Variants in DMRT1 observed in about 807,000 individuals in gnomAD.
DMRT1 encodes the protein doublesex and mab-3 related transcription factor 1.
In DMRT1, 7 loss-of-function variants were observed where a neutral mutation model predicts 32.3. The ratio of observed to expected loss-of-function variants is 0.22; its 90% CI spans 0.12 to 0.41. DMRT1 has a LOEUF of 0.41. Ranked by LOEUF, DMRT1 falls within the 10% of genes least tolerant of loss-of-function variation. The pLI is 1.00. For missense variants in DMRT1, 625 were observed against 500.5 expected (o/e 1.25, Z -2.37); for synonymous variants, 278 against 206.1 (o/e 1.35, Z -2.99).
chr9:929,423 C>T (rs1046740833), intron 4 of DMRT1, among the ~76,000 whole-genome samples: 6 of 152,074 alleles, frequency 3.9e-5, no homozygotes, highest in African/African-American at 1.4e-4. Flanking sequence ...AAAAACAGTA[C>T]AAGAGGGCAA....
chr9:914,563 G>A (rs12339270), intron 3 of DMRT1, among the ~76,000 whole-genome samples: 4,991 of 107,724 alleles, frequency 0.046, 348 homozygotes, highest in African/African-American at 0.15. Flanking sequence ...GACAGAGTGG[G>A]ACTCTGTCTC....
intron 3 of DMRT1, among the ~76,000 whole-genome samples, chr9:913,754 G>A (rs1455336018): frequency 4.6e-5 from 7 of 152,068 alleles, no homozygotes; most frequent in Admixed American, 1.3e-4. Flanking sequence ...TTAGCCGGAC[G>A]TGGTGGGGCA....
chr9:947,673 G>C (rs1249735681), intron 4 of DMRT1, among the ~76,000 whole-genome samples: 1 of 152,030 alleles, frequency 6.6e-6, no homozygotes, highest in East Asian at 1.9e-4. Context: ...GCTCAGGCTG[G>C]AATGCAGTGG....
chr9:850,372 T>C (rs1257593471), intron 2 of DMRT1, among the ~76,000 whole-genome samples: 1 of 152,218 alleles, frequency 6.6e-6, no homozygotes, highest in Non-Finnish European at 1.5e-5. Context: ...GAAGCTTGTA[T>C]GCAGCAAAGG....
At chr9:926,053 A>G (rs531190576) in intron 4 of DMRT1, among the ~76,000 whole-genome samples, 28 of 152,342 alleles carry the variant, frequency 1.8e-4, no homozygotes, top group African/African-American at 6.5e-4. Flanking sequence ...TACCTGTCTT[A>G]CAGGTAGCAC....
At chr9:899,386 C>G (rs960457548) in intron 3 of DMRT1, among the ~76,000 whole-genome samples, 3 of 152,122 alleles carry the variant, frequency 2.0e-5, no homozygotes, top group Non-Finnish European at 2.9e-5. Flanking sequence ...AAGCAAGCCA[C>G]GAATAATTAC....
chr9:909,412 G>A (rs951151788), intron 3 of DMRT1, among the ~76,000 whole-genome samples: 9 of 152,138 alleles, frequency 5.9e-5, no homozygotes, highest in Non-Finnish European at 1.2e-4. Flanking sequence ...AGCCCTTTGC[G>A]TAGGTGAAGT....
intron 3 of DMRT1, among the ~76,000 whole-genome samples, chr9:897,100 T>C: frequency 7.3e-6 from 1 of 136,114 alleles, no homozygotes; most frequent in South Asian, 2.3e-4. Flanking sequence ...ATATTATTAT[T>C]ATTATTATTA....
At chr9:858,853 CAAAAA>C (rs1205538076) in intron 2 of DMRT1, among the ~76,000 whole-genome samples, 169 of 137,678 alleles carry the variant, frequency 1.2e-3, no homozygotes, top group Middle Eastern at 7.4e-3. Context: ...CAGTCTGTCT[CAAAAA>C]AAAAAAAAAA....
intron 4 of DMRT1, among the ~76,000 whole-genome samples, chr9:945,682 C>T (rs1014248051): frequency 6.7e-6 from 1 of 150,302 alleles, no homozygotes; most frequent in Non-Finnish European, 1.5e-5. Flanking sequence ...GAACAGAACA[C>T]TGCTGTTTTT....
rs1039037816 is a variant in DMRT1 at position 968,297 on chromosome 9, T to G, written c.*158T>G. On this transcript the variant is annotated 3_prime_UTR_variant, in exon 5 of 5. Coordinates refer to ENST00000382276, the MANE Select transcript of DMRT1 (RefSeq NM_021951.3). ...GTTTAGTCCAGAGGCTGTAACACAT[T>G]TGTAATACTTTAGGGTCCGTGACTA... The G allele has an allele frequency of 4.3e-5, 36 of 832,924 alleles. No individual in the cohort carries two copies. In the African/African-American group the frequency reaches 5.8e-4, roughly 13 times the overall value. The allele number at this position is 832,924 out of a possible 1,614,324, so 51.6% of individuals were successfully genotyped here.
At chr9:854,580 G>C (rs1235438074) in intron 2 of DMRT1, among the ~76,000 whole-genome samples, 1 of 152,024 alleles carries the variant, frequency 6.6e-6, no homozygotes, top group Admixed American at 6.6e-5. Flanking sequence ...TATACAAATT[G>C]GATTGAGACT....
In DMRT1 at chr9:965,505, C is replaced by T. The variant is rs907938982; in HGVS notation, c.968-2480C>T. 2.0e-5 allele frequency among the ~76,000 whole-genome samples: 3 copies of T among 152,198 alleles called. No individual in the cohort carries two copies. The highest frequency in any genetic ancestry group is 7.2e-5 in the African/African-American group (3 of 41,452). ...AAAATATTCATAAGGCAAGTTAGAGCAAAAGGGGGATATTGTCAAATTCCT... is the reference window on the plus strand; with the variant it reads ...AAAATATTCATAAGGCAAGTTAGAGTAAAAGGGGGATATTGTCAAATTCCT... On this transcript the variant is annotated intron_variant, in intron 4 of 4. Coordinates refer to ENST00000382276, the MANE Select transcript of DMRT1 (RefSeq NM_021951.3). This position sits in a 1 kb window ranked among gnomAD's most constrained non-coding sequence, Gnocchi z 4.5.
intron 2 of DMRT1, among the ~76,000 whole-genome samples, chr9:883,923 C>G (rs1329518235): frequency 6.6e-6 from 1 of 152,124 alleles, no homozygotes; most frequent in African/African-American, 2.4e-5. Flanking sequence ...TGGTATGTAA[C>G]TCTTAAAACT....
rs892360541 is a variant in DMRT1 at position 842,034 on chromosome 9, G to A, written c.196G>A (p.Gly66Arg). 1 of 1,547,382 alleles carries A rather than the reference G, an allele frequency of 6.5e-7. No homozygotes were observed. The highest frequency in any genetic ancestry group is 1.2e-5 in the South Asian group (1 of 84,670). Residue 66 changes from glycine to arginine, a missense_variant, in exon 1 of 5, where the codon GGG becomes AGG. Coordinates refer to ENST00000382276, the MANE Select transcript of DMRT1 (RefSeq NM_021951.3). ...SGSGASDLGA[G>R]SKKSPRLPKC... ...CTCCGGGGCGTCGGACCTGGGTGCC[G>A]GGAGCAAGAAGTCCCCGCGGCTGCC...
intron 4 of DMRT1, among the ~76,000 whole-genome samples, chr9:944,514 TG>T (rs1330913934): frequency 6.6e-6 from 1 of 152,232 alleles, no homozygotes; most frequent in Non-Finnish European, 1.5e-5. Context: ...AAACTGATTT[TG>T]TGTCTTAGTC....
rs182062074 is a variant in DMRT1 at position 904,463 on chromosome 9, A to G, written c.822+10268A>G. 3.9e-5 allele frequency among the ~76,000 whole-genome samples: 6 copies of G among 152,342 alleles called. No homozygotes were observed. The East Asian group carries it at 7.7e-4, about 20-fold the overall frequency. On this transcript the variant is annotated intron_variant, in intron 3 of 4. Coordinates refer to ENST00000382276, the MANE Select transcript of DMRT1 (RefSeq NM_021951.3). The stretch of plus-strand genomic sequence containing the variant: ...AGGTTTGCCCTGTTTTTTCAATACC[A>G]TAATAGAAATAGGATAGAAAAAAAG...
chr9:878,200 G>GCCACCCCCC (rs1816584669), intron 2 of DMRT1, among the ~76,000 whole-genome samples: 1 of 94,040 alleles, frequency 1.1e-5, no homozygotes. Flanking sequence ...TGCAGCTGCT[G>GCCACCCCCC]CCCCCCCCCC....
intron 2 of DMRT1, among the ~76,000 whole-genome samples, chr9:871,422 TC>T (rs1294472677): frequency 1.3e-5 from 2 of 149,644 alleles, no homozygotes; most frequent in Non-Finnish European, 3.0e-5. Context: ...AAGCTCCGCG[TC>T]CCGGGTTCAC....
Sources: allele counts gnomAD v4.1 joint callset (sites outside exome capture counted in the v4.1 genomes callset), GRCh38; gene constraint gnomAD v4.1.1; non-coding constraint Gnocchi (gnomAD v3.1); transcripts MANE v1.5; gene names NCBI Gene and HGNC (gene_info 2026-07-23, HGNC 2026-07-21).